Variants in RAB3IP observed in about 807,000 individuals in gnomAD.
RAB3IP encodes rab-3A-interacting protein.
RAB3IP carries 36 observed loss-of-function variants against 59.1 expected under a neutral mutation model. That is an observed-to-expected ratio of 0.61 (90% confidence interval 0.47 to 0.80). RAB3IP has a LOEUF of 0.80. Among genes scored for constraint, RAB3IP ranks in the 30% least tolerant of loss-of-function variants. RAB3IP has a pLI of 0.00. For synonymous variants in RAB3IP, 207 were observed against 191.2 expected (o/e 1.08, Z -0.68); for missense variants, 511 against 536.0 (o/e 0.95, Z 0.46).
chr12:69,771,838 A>G (rs1032489631), intron 3 of RAB3IP, among the ~76,000 whole-genome samples: 12 of 152,172 alleles, frequency 7.9e-5, no homozygotes, highest in African/African-American at 2.7e-4. Context: ...TAGCCATTCT[A>G]AGTGGGTTGA....
intron 4 of RAB3IP, among the ~76,000 whole-genome samples, chr12:69,791,419 G>T (rs1876592055): frequency 6.6e-6 from 1 of 152,134 alleles, no homozygotes; most frequent in Non-Finnish European, 1.5e-5. Flanking sequence ...GAAAACATTT[G>T]CAAACCGTGT....
At position 69,818,437 on chromosome 12, in the gene RAB3IP, A is replaced by G. The variant is rs905969205; in HGVS notation, c.*2991A>G. 1 of 151,550 alleles carries G rather than the reference A, an allele frequency of 6.6e-6. No individual in the cohort carries two copies. The highest frequency in any genetic ancestry group is 1.5e-5 in the Non-Finnish European group (1 of 67,984). The allele number at this position is 151,550 out of a possible 1,614,324, so 9.4% of individuals were successfully genotyped here. A position where few individuals can be genotyped will look rare whatever the true frequency, so the allele number is the denominator to read the frequency against. ...GCACTCTTACCTTGGGTGACAGAGT[A>G]AGATCATACCTTAAAAAAAAAAAAA... On this transcript the variant is annotated 3_prime_UTR_variant, in exon 11 of 11. Coordinates refer to ENST00000247833, the MANE Select transcript of RAB3IP (RefSeq NM_022456.5).
intron 1 of RAB3IP, among the ~76,000 whole-genome samples, chr12:69,740,255 T>G (rs890220174): frequency 8.2e-4 from 125 of 152,214 alleles, no homozygotes; most frequent in African/African-American, 3.0e-3. Flanking sequence ...TTGATACTGT[T>G]AAATATTTCA....
At chr12:69,753,993 G>A (rs1233446009) in intron 1 of RAB3IP, among the ~76,000 whole-genome samples, 5 of 152,078 alleles carry the variant, frequency 3.3e-5, no homozygotes, top group Non-Finnish European at 5.9e-5. Context: ...GATAATTCAA[G>A]TTTATTGAGG....
intron 1 of RAB3IP, among the ~76,000 whole-genome samples, chr12:69,748,879 G>A (rs1363791943): frequency 1.3e-5 from 2 of 152,180 alleles, no homozygotes; most frequent in Non-Finnish European, 2.9e-5. Context: ...AGTGAGATTG[G>A]CAGCTCATTA....
intron 3 of RAB3IP, among the ~76,000 whole-genome samples, chr12:69,766,506 T>G (rs1032026634): frequency 2.7e-5 from 4 of 145,848 alleles, no homozygotes; most frequent in Non-Finnish European, 4.5e-5. Flanking sequence ...CCAGAAACTC[T>G]GATTTCTTTT....
intron 10 of RAB3IP, among the ~76,000 whole-genome samples, chr12:69,814,986 G>A (rs12821809): frequency 0.21 from 32,258 of 152,000 alleles, 4,149 homozygotes; most frequent in Middle Eastern, 0.35. Context: ...TAAAATGGCC[G>A]CGATATAACA....
chr12:69,744,768 G>T (rs1472162555), intron 1 of RAB3IP, among the ~76,000 whole-genome samples: 1 of 151,796 alleles, frequency 6.6e-6, no homozygotes, highest in East Asian at 1.9e-4. Flanking sequence ...TGGGAAAATT[G>T]TGTAGCCTGA....
At chr12:69,798,601 T>C (rs1417856850) in intron 6 of RAB3IP, among the ~76,000 whole-genome samples, 1 of 152,176 alleles carries the variant, frequency 6.6e-6, no homozygotes, top group African/African-American at 2.4e-5. Flanking sequence ...TCCTTGCCCA[T>C]GCCTATGTCC....
At chr12:69,813,573 A>G (rs1052362205) in intron 10 of RAB3IP, among the ~76,000 whole-genome samples, 2 of 152,164 alleles carry the variant, frequency 1.3e-5, no homozygotes, top group African/African-American at 4.8e-5. Flanking sequence ...AGGAGAACCA[A>G]CCTCATGAAA....
intron 8 of RAB3IP, among the ~76,000 whole-genome samples, chr12:69,807,081 C>T (rs998408594): frequency 1.3e-5 from 2 of 152,102 alleles, no homozygotes; most frequent in South Asian, 2.1e-4. Flanking sequence ...CTGTTCTCGA[C>T]GGTCGCTGTC....
At chr12:69,764,860 CTTGG>C (rs1871943633) in intron 3 of RAB3IP, among the ~76,000 whole-genome samples, 1 of 151,992 alleles carries the variant, frequency 6.6e-6, no homozygotes. Context: ...CTTTCACCCC[CTTGG>C]TTGGATGTAT....
rs1010319641 is a variant in RAB3IP, at chr12:69,739,973, A to C, written c.-26+942A>C. 36 of 1,091,292 alleles carry C rather than the reference A, an allele frequency of 3.3e-5. No homozygotes were observed. The East Asian group carries it at 4.8e-4, about 14-fold the overall frequency. The allele number at this position is 1,091,292 out of a possible 1,614,324, so 67.6% of individuals were successfully genotyped here. On this transcript the variant is annotated intron_variant, in intron 1 of 10. Coordinates refer to ENST00000247833, the MANE Select transcript of RAB3IP (RefSeq NM_022456.5). Reference sequence around the variant, plus strand: ...CCTGTTCGGAGGCTACCTGTTATACACTCTCCTGTTTCACCCCAACTCCTT... The same window carrying C: ...CCTGTTCGGAGGCTACCTGTTATACCCTCTCCTGTTTCACCCCAACTCCTT...
chr12:69,810,617 C>T (rs751695410), intron 8 of RAB3IP, among the ~76,000 whole-genome samples: 2 of 146,740 alleles, frequency 1.4e-5, no homozygotes, highest in Non-Finnish European at 3.0e-5. Flanking sequence ...AATCAAAGTG[C>T]GTTCAAAGGA....
chr12:69,782,326 G>A (rs1003281904), intron 3 of RAB3IP, among the ~76,000 whole-genome samples: 1 of 152,084 alleles, frequency 6.6e-6, no homozygotes. Flanking sequence ...CACCATGCGT[G>A]GCTAATTTTT....
rs997842543 is a variant in RAB3IP, at chr12:69,817,677, C to CACACACAG, written c.*2238_*2239insGACACACA. The CACACACAG allele has an allele frequency of 1.1e-4, 16 of 152,188 alleles. 1 individual carries two copies. The highest frequency in any genetic ancestry group is 1.9e-4 in the Non-Finnish European group (13 of 68,458). The allele number at this position is 152,188 out of a possible 1,614,324, so 9.4% of individuals were successfully genotyped here. On this transcript the variant is annotated 3_prime_UTR_variant, in exon 11 of 11. Transcript: ENST00000247833. ...TTACACACACACACACACACACACA[C>CACACACAG]ACACACACACTGTGTCCATGAACTT... is the stretch of plus-strand genomic sequence containing the variant.
At chr12:69,740,097 A>G (rs1887163850) in intron 1 of RAB3IP, among the ~76,000 whole-genome samples, 1 of 152,174 alleles carries the variant, frequency 6.6e-6, no homozygotes, top group Non-Finnish European at 1.5e-5. Flanking sequence ...AAACTGTTCC[A>G]TTGTAAATCA....
rs1203190139 is a variant in RAB3IP at position 69,746,740 on chromosome 12, A to G, written c.-26+7709A>G. ...AAGTGATGGAATTTGTAACTAATTC[A>G]TGGAATTTATAACAGTTCAATTCAT... On this transcript the variant is annotated intron_variant, in intron 1 of 10. Transcript: ENST00000247833. Among the ~76,000 whole-genome samples, 5 of 152,346 alleles carry G rather than the reference A, an allele frequency of 3.3e-5. No individual in the cohort carries two copies. In the East Asian group the frequency reaches 9.6e-4, roughly 29 times the overall value.
chr12:69,773,365 T>C (rs1179322534), intron 3 of RAB3IP, among the ~76,000 whole-genome samples: 3 of 151,090 alleles, frequency 2.0e-5, no homozygotes, highest in Non-Finnish European at 4.4e-5. Context: ...TCTGTTATTA[T>C]TTTTTTGGAT....
Sources: allele counts gnomAD v4.1 joint callset (sites outside exome capture counted in the v4.1 genomes callset), GRCh38; gene constraint gnomAD v4.1.1; transcripts MANE v1.5; gene names NCBI Gene and HGNC (gene_info 2026-07-23, HGNC 2026-07-21).